The following ACKR2 variants were observed in gnomAD, a reference collection of about 807,000 sequenced individuals.
The protein encoded by ACKR2 is atypical chemokine receptor 2.
For synonymous variants in ACKR2, 207 were observed against 192.2 expected, an observed-to-expected ratio of 1.08 and a Z score of -0.64; for missense variants, 457 against 477.3, an observed-to-expected ratio of 0.96 and a Z score of 0.40.
chr3:42,855,409 T>C (rs2088304109), intron 2 of ACKR2, among the ~76,000 whole-genome samples: 1 of 152,196 alleles, frequency 6.6e-6, no homozygotes, highest in African/African-American at 2.4e-5. Context: ...AGCTGTAACA[T>C]GCATATGGGA....
At chr3:42,817,436 C>G (rs1008474763) in intron 1 of ACKR2, among the ~76,000 whole-genome samples, 9 of 152,130 alleles carry the variant, frequency 5.9e-5, no homozygotes, top group African/African-American at 2.2e-4. Flanking sequence ...ACCTGCGTCT[C>G]CATCAGTCGT....
intron 2 of ACKR2, among the ~76,000 whole-genome samples, chr3:42,828,357 TG>T (rs1700894567): frequency 1.3e-5 from 2 of 152,084 alleles, no homozygotes; most frequent in African/African-American, 4.8e-5. Flanking sequence ...GTGATCCACC[TG>T]CCTTGGCCTC....
intron 2 of ACKR2, among the ~76,000 whole-genome samples, chr3:42,834,887 T>A (rs78719990): frequency 3.4e-3 from 512 of 151,024 alleles, no homozygotes; most frequent in African/African-American, 0.011. Context: ...AAATTTTTTT[T>A]TTATTATTAT....
chr3:42,832,414 G>T (rs1346373328), intron 2 of ACKR2, among the ~76,000 whole-genome samples: 3 of 151,962 alleles, frequency 2.0e-5, no homozygotes, highest in Non-Finnish European at 4.4e-5. Context: ...ACTTGAACTG[G>T]GGAGGCAGAG....
intron 1 of ACKR2, among the ~76,000 whole-genome samples, chr3:42,814,919 T>C (rs578252202): frequency 6.6e-6 from 1 of 152,142 alleles, no homozygotes; most frequent in South Asian, 2.1e-4. Flanking sequence ...GTAAATAAAT[T>C]GGGAGGATAT....
chr3:42,826,111 C>T (rs1294309992), intron 2 of ACKR2, among the ~76,000 whole-genome samples: 1 of 151,772 alleles, frequency 6.6e-6, no homozygotes, highest in South Asian at 2.1e-4. Context: ...TGGTGTATAA[C>T]CCGTTATATC....
At chr3:42,811,204 A>C (rs1700690824) in intron 1 of ACKR2, among the ~76,000 whole-genome samples, 2 of 152,206 alleles carry the variant, frequency 1.3e-5, no homozygotes, top group Non-Finnish European at 2.9e-5. Context: ...AGGGAAAAGA[A>C]AGATCAGACT....
chr3:42,817,551 A>C (rs1281451971), intron 1 of ACKR2, among the ~76,000 whole-genome samples: 5 of 152,000 alleles, frequency 3.3e-5, no homozygotes, highest in South Asian at 2.1e-4. Context: ...TTGCTCTCTC[A>C]CCTGTAATTT....
chr3:42,816,913 A>G (rs1443376966), intron 1 of ACKR2, among the ~76,000 whole-genome samples: 3 of 151,964 alleles, frequency 2.0e-5, no homozygotes, highest in African/African-American at 7.3e-5. Context: ...ACAAGTACTA[A>G]TGAAAAAAAA....
chr3:42,840,794 T>C (rs1395418985), intron 2 of ACKR2, among the ~76,000 whole-genome samples: 1 of 152,190 alleles, frequency 6.6e-6, no homozygotes, highest in East Asian at 1.9e-4. Context: ...TTCAAGCAAT[T>C]CCCCTGCCTC....
intron 2 of ACKR2, among the ~76,000 whole-genome samples, chr3:42,825,577 A>G (rs1197108511): frequency 2.7e-5 from 4 of 148,720 alleles, no homozygotes; most frequent in Non-Finnish European, 4.5e-5. Context: ...GTTAGCTCTG[A>G]TGTGTGTGTG....
intron 2 of ACKR2, among the ~76,000 whole-genome samples, chr3:42,848,683 G>A (rs966856429): frequency 1.3e-5 from 2 of 152,132 alleles, no homozygotes; most frequent in Non-Finnish European, 2.9e-5. Flanking sequence ...ATGAGAAATA[G>A]GATATTTGTG....
At chr3:42,842,503 C>T (rs932018190) in intron 2 of ACKR2, among the ~76,000 whole-genome samples, 10 of 152,262 alleles carry the variant, frequency 6.6e-5, no homozygotes, top group African/African-American at 2.2e-4. Flanking sequence ...GAACCCTCTT[C>T]ACCTTATGAA....
intron 2 of ACKR2, among the ~76,000 whole-genome samples, chr3:42,860,163 G>GAAAAA (rs2088367013): frequency 1.2e-3 from 6 of 4,930 alleles, no homozygotes; most frequent in African/African-American, 2.1e-3. Flanking sequence ...CAAATGGAAA[G>GAAAAA]CAAAAAAAAA....
intron 2 of ACKR2, among the ~76,000 whole-genome samples, chr3:42,859,138 A>G (rs2088354646): frequency 6.6e-6 from 1 of 152,158 alleles, no homozygotes; most frequent in Non-Finnish European, 1.5e-5. Flanking sequence ...CCAACCTAGC[A>G]AGACAGGCCA....
intron 2 of ACKR2, among the ~76,000 whole-genome samples, chr3:42,859,094 A>C (rs2088352885): frequency 6.6e-6 from 1 of 152,188 alleles, no homozygotes; most frequent in African/African-American, 2.4e-5. Context: ...CAAGTTGGAA[A>C]ACACTCTTCA....
Position 42,811,814 on chromosome 3 carries a change from CTT to C in ACKR2, c.-119+2284_-119+2285del, listed in dbSNP as rs1700698344. The stretch of plus-strand genomic sequence containing the variant: ...CTGGCAGCAATGCTGCTCTGTTACT[CTT>C]TGCTACACTGAGATGTTTGGGTGGA... On this transcript the variant is annotated intron_variant, in intron 1 of 2. Transcript: ENST00000422265. Among the ~76,000 whole-genome samples the C allele has an allele frequency of 2.6e-5, 4 of 152,160 alleles. No homozygotes were observed. In the South Asian group the frequency reaches 8.3e-4, roughly 32 times the overall value.
At chr3:42,823,960 CAT>C (rs1296837681) in intron 2 of ACKR2, among the ~76,000 whole-genome samples, 6 of 151,836 alleles carry the variant, frequency 4.0e-5, no homozygotes, top group East Asian at 1.9e-4. Flanking sequence ...CATCTGACCT[CAT>C]GTGATAGGTT....
At chr3:42,844,113 A>G (rs1314720069) in intron 2 of ACKR2, 1 of 152,242 alleles carries the variant, frequency 6.6e-6, no homozygotes, top group Non-Finnish European at 1.5e-5. Context: ...ACTCTGAGAC[A>G]AAGATTTGAG....
Sources: allele counts gnomAD v4.1 joint callset (sites outside exome capture counted in the v4.1 genomes callset), GRCh38; gene constraint gnomAD v4.1.1; transcripts MANE v1.5; gene names NCBI Gene and HGNC (gene_info 2026-07-23, HGNC 2026-07-21).